The following PPID variants were observed in gnomAD, a reference collection of about 807,000 sequenced individuals.
PPID encodes peptidyl-prolyl cis-trans isomerase D.
A neutral mutation model predicts 48.1 loss-of-function variants in PPID; 47 were observed. That is an observed-to-expected ratio of 0.98 (90% CI 0.77 to 1.25). The LOEUF (loss-of-function observed/expected upper bound fraction) is 1.25. Ranked by LOEUF, PPID falls within the 50% of genes most tolerant of loss-of-function variation. The probability of loss-of-function intolerance (pLI) is 0.00; values close to 1 mark genes in which losing one functional copy is unlikely to be tolerated. For synonymous variants in PPID, 163 were observed against 148.8 expected, an observed-to-expected ratio of 1.10 and a Z score of -0.69; for missense variants, 429 against 443.5, an observed-to-expected ratio of 0.97 and a Z score of 0.29.
In PPID at chr4:158,710,859, G is replaced by A; in HGVS notation, c.895-11C>T. On this transcript the variant is annotated splice_polypyrimidine_tract_variant and intron_variant, in intron 7 of 9. Transcript: ENST00000307720. Reference sequence around the variant, plus strand: ...GTCTAGTTCAAGAGCCTACAAAAAAGTATAAAGCTAGTATTTATATCAAAG... The same window carrying A: ...GTCTAGTTCAAGAGCCTACAAAAAAATATAAAGCTAGTATTTATATCAAAG... 1 of 1,596,390 alleles carries A rather than the reference G, an allele frequency of 6.3e-7. No individual in the cohort carries two copies.
intron 4 of PPID, among the ~76,000 whole-genome samples, chr4:158,716,722 G>A (rs1463194500): frequency 6.6e-6 from 1 of 152,142 alleles, no homozygotes; most frequent in Non-Finnish European, 1.5e-5. Context: ...CACTTTGGGA[G>A]GCCGAGGTGG....
Position 158,721,493 on chromosome 4 carries a change from A to G in PPID, c.86-10T>C, listed in dbSNP as rs1774959630. On this transcript the variant is annotated splice_polypyrimidine_tract_variant and intron_variant, in intron 1 of 9. Coordinates refer to ENST00000307720, the MANE Select transcript of PPID (RefSeq NM_005038.3). ...AAGACAATTCGACCAACTAAAAGAAAAGAAAATCTTGTCAGTATGCAAAAC... is the reference window on the plus strand; with the variant it reads ...AAGACAATTCGACCAACTAAAAGAAGAGAAAATCTTGTCAGTATGCAAAAC... 6.2e-7 allele frequency: 1 copy of G among 1,611,772 alleles called. No homozygotes were observed. The highest frequency in any genetic ancestry group is 8.5e-7 in the Non-Finnish European group (1 of 1,179,258).
At chr4:158,713,008 G>T in intron 7 of PPID, 111 bp downstream of exon 7, 1 of 1,119,440 alleles carries the variant, frequency 8.9e-7, no homozygotes, top group Non-Finnish European at 1.3e-6. Flanking sequence ...GTTTTCTTAA[G>T]CCTCATTAGG....
chr4:158,721,265 A>C lies in PPID; in HGVS notation c.226+78T>G, dbSNP rs1352946843. Reference sequence around the variant, plus strand: ...ACTTTTTAAGCTTCACTTCCTACTTAGTGTTTTCTTCCCCAAATCCTAAAG... The same window carrying C: ...ACTTTTTAAGCTTCACTTCCTACTTCGTGTTTTCTTCCCCAAATCCTAAAG... On this transcript the variant is annotated intron_variant, in intron 2 of 9. Transcript: ENST00000307720. The C allele has an allele frequency of 2.0e-6, 3 of 1,502,724 alleles. No homozygotes were observed. The East Asian group carries it at 6.8e-5, about 34-fold the overall frequency. The allele number at this position is 1,502,724 out of a possible 1,614,324, so 93.1% of individuals were successfully genotyped here. A position where few individuals can be genotyped will look rare whatever the true frequency, so the allele number is the denominator to read the frequency against.
At chr4:158,709,985 T>G in intron 9 of PPID, 161 bp from the exon 10 acceptor site, 1 of 599,978 alleles carries the variant, frequency 1.7e-6, no homozygotes, top group Non-Finnish European at 2.9e-6. Context: ...AACACAGAAA[T>G]GAAACGTAAT....
chr4:158,709,768 C>T lies in PPID; in HGVS notation c.1081G>A (p.Glu361Lys). 1 of 1,611,788 alleles carries T rather than the reference C, an allele frequency of 6.2e-7. No individual in the cohort carries two copies. Among genetic ancestry groups the T allele is most frequent in the Non-Finnish European group, 8.5e-7 (1 of 1,178,788 alleles). The change falls in exon 10 of 10, where the codon GAG (glutamate) becomes AAG (lysine). Residue 361 changes from glutamate to lysine, a missense_variant. Glu to Lys is a moderately conservative substitution (Grantham distance 56, BLOSUM62 1). Transcript: ENST00000307720. ...AACATTTTTGCATATACTGCCTTCT[C>T]TTTATCTTTCTGTGCCTTTATCTTT... ...KQKIKAQKDK[E>K]KAVYAKMFA
intron 3 of PPID, among the ~76,000 whole-genome samples, 181 bp from the exon 4 acceptor site, chr4:158,717,381 T>A (rs1228733694): frequency 1.3e-5 from 2 of 152,200 alleles, no homozygotes; most frequent in Non-Finnish European, 2.9e-5. Flanking sequence ...TATTTTTTTA[T>A]AAACTGCAAC....
At chr4:158,715,018 A>G (rs1774847160) in intron 6 of PPID, among the ~76,000 whole-genome samples, 1 of 152,250 alleles carries the variant, frequency 6.6e-6, no homozygotes, top group Non-Finnish European at 1.5e-5. Context: ...CACAGTATCA[A>G]CAACTTCCTA....
At chr4:158,719,452 T>G (rs906647641) in intron 2 of PPID, among the ~76,000 whole-genome samples, 166 bp from the exon 3 acceptor site, 1 of 152,178 alleles carries the variant, frequency 6.6e-6, no homozygotes, top group Non-Finnish European at 1.5e-5. Flanking sequence ...GCTTCAGGCT[T>G]TTCACCATCT....
In PPID at chr4:158,719,173, A is replaced by G. The variant is rs377306714; in HGVS notation, c.333+7T>C. On this transcript the variant is annotated splice_region_variant and intron_variant, in intron 3 of 9. Coordinates refer to ENST00000307720, the MANE Select transcript of PPID (RefSeq NM_005038.3). ...ATCAGCAATAACATGCATTTTCTCT[A>G]CTTTACCTTGTAATGGAAATTTTCA... 34 of 1,533,502 alleles carry G rather than the reference A, an allele frequency of 2.2e-5. No homozygotes were observed. Among genetic ancestry groups the G allele is most frequent in the Non-Finnish European group, 2.9e-5 (32 of 1,108,766 alleles). 95.0% of individuals were successfully genotyped at this position (1,533,502 alleles called of 1,614,324 possible).
rs1199334796 is a variant in PPID at position 158,715,340 on chromosome 4, G to C, written c.709C>G (p.Gln237Glu). 1 of 1,540,494 alleles carries C rather than the reference G, an allele frequency of 6.5e-7. No homozygotes were observed. The change falls in exon 6 of 10, where the codon CAG becomes GAG. Residue 237 changes from glutamine to glutamate, a missense_variant. Transcript: ENST00000307720. ...KNIGNTFFKS[Q>E]NWEMAIKKYA... Reference sequence around the variant, plus strand: ...TTTTTAATAGCCATCTCCCAGTTCTGGGATTTGAAAAAAGTATTTCCAATG... The same window carrying C: ...TTTTTAATAGCCATCTCCCAGTTCTCGGATTTGAAAAAAGTATTTCCAATG...
intron 5 of PPID, 27 bp from the exon 6 acceptor site, chr4:158,715,430 G>C: frequency 2.0e-6 from 3 of 1,482,802 alleles, no homozygotes; most frequent in Admixed American, 2.3e-5. Context: ...AAATATGTTG[G>C]ATTTTAGTAA....
chr4:158,723,053 G>C (rs1364224888), intron 1 of PPID, 151 bp downstream of exon 1: 5 of 737,228 alleles, frequency 6.8e-6, no homozygotes, highest in Admixed American at 4.6e-5. Flanking sequence ...CTAGATCTCC[G>C]GGCCTGCTCC....
At chr4:158,713,632 T>G (rs1361115628) in intron 6 of PPID, among the ~76,000 whole-genome samples, 1 of 152,154 alleles carries the variant, frequency 6.6e-6, no homozygotes, top group Non-Finnish European at 1.5e-5. Context: ...TTGTGTTGAT[T>G]TTGCATTGTC....
intron 4 of PPID, among the ~76,000 whole-genome samples, chr4:158,716,735 G>C (rs17843925): frequency 1.3e-5 from 2 of 152,070 alleles, no homozygotes; most frequent in African/African-American, 2.4e-5. Context: ...CGAGGTGGGC[G>C]GATCACAAGG....
chr4:158,718,825 GTGA>G (rs1258700186), intron 3 of PPID, among the ~76,000 whole-genome samples: 3 of 152,168 alleles, frequency 2.0e-5, no homozygotes, highest in Admixed American at 6.5e-5. Context: ...CTGGATATTA[GTGA>G]TGGTTTTGTT....
chr4:158,710,891 G>A (rs1181034229), intron 7 of PPID, 43 bp from the exon 8 acceptor site: 1 of 1,508,156 alleles, frequency 6.6e-7, no homozygotes, highest in Non-Finnish European at 9.2e-7. Flanking sequence ...AAAGTATTAA[G>A]CTTATATGCC....
intron 6 of PPID, among the ~76,000 whole-genome samples, chr4:158,713,903 A>C (rs1049677832): frequency 6.6e-6 from 1 of 152,168 alleles, no homozygotes; most frequent in Non-Finnish European, 1.5e-5. Context: ...ACGGAATTGA[A>C]AACTACCCAT....
chr4:158,716,094 T>C (rs1446464056), intron 4 of PPID, among the ~76,000 whole-genome samples: 1 of 151,660 alleles, frequency 6.6e-6, no homozygotes, highest in African/African-American at 2.4e-5. Context: ...TTTCTTTTTT[T>C]CTTTTTTTTT....
Sources: allele counts gnomAD v4.1 joint callset (sites outside exome capture counted in the v4.1 genomes callset), GRCh38; gene constraint gnomAD v4.1.1; transcripts MANE v1.5; gene names NCBI Gene and HGNC (gene_info 2026-07-23, HGNC 2026-07-21).